MAN1A2: variants seen among roughly 807,000 people sequenced by gnomAD.
The protein encoded by MAN1A2 is mannosidase alpha class 1A member 2.
MAN1A2 carries 26 observed loss-of-function variants against 75.7 expected under a neutral mutation model. The ratio of observed to expected loss-of-function variants is 0.34; its 90% confidence interval spans 0.25 to 0.48. The LOEUF (loss-of-function observed/expected upper bound fraction) is 0.48, where lower values mean the gene tolerates loss of function less well. Ranked by LOEUF, MAN1A2 falls within the 20% of genes least tolerant of loss-of-function variation. The pLI, the probability that MAN1A2 is intolerant of heterozygous loss-of-function variation, is 0.99. For missense variants in MAN1A2, 562 were observed against 775.5 expected (o/e 0.72, Z 3.27); for synonymous variants, 247 against 264.6 (o/e 0.93, Z 0.65).
intron 12 of MAN1A2, chr1:117,515,580 A>T (rs1342232816): frequency 6.6e-6 from 1 of 152,096 alleles, no homozygotes; most frequent in Non-Finnish European, 1.5e-5. Context: ...AAATACCTTT[A>T]AAAAAACACT....
At chr1:117,416,275 T>A (rs1464971427) in intron 4 of MAN1A2, among the ~76,000 whole-genome samples, 1 of 152,164 alleles carries the variant, frequency 6.6e-6, no homozygotes, top group African/African-American at 2.4e-5. Flanking sequence ...ATGTCAATAC[T>A]AAACTATCTT....
intron 6 of MAN1A2, among the ~76,000 whole-genome samples, chr1:117,458,519 A>ATTTTTTTTTTTTTT (rs1649695560): frequency 2.1e-5 from 2 of 96,370 alleles, no homozygotes; most frequent in African/African-American, 8.7e-5. Context: ...ATAGATATAT[A>ATTTTTTTTTTTTTT]TATATTTTTT....
At chr1:117,460,036 C>T (rs1649765366) in intron 6 of MAN1A2, among the ~76,000 whole-genome samples, 1 of 146,394 alleles carries the variant, frequency 6.8e-6, no homozygotes, top group Non-Finnish European at 1.5e-5. Flanking sequence ...ACTTGAGAAT[C>T]ATTAATATTA....
intron 1 of MAN1A2, among the ~76,000 whole-genome samples, chr1:117,388,404 C>G (rs895680419): frequency 1.3e-5 from 2 of 152,062 alleles, no homozygotes; most frequent in Non-Finnish European, 2.9e-5. Flanking sequence ...ATACCCGAGA[C>G]TGGGTAATTT....
intron 1 of MAN1A2, among the ~76,000 whole-genome samples, chr1:117,372,956 G>A (rs1653015350): frequency 1.3e-5 from 2 of 152,218 alleles, no homozygotes; most frequent in Admixed American, 6.5e-5. Context: ...AAAGGCATTG[G>A]AGTTATAAAT....
chr1:117,498,422 C>T (rs748533470), intron 10 of MAN1A2, among the ~76,000 whole-genome samples: 4 of 151,756 alleles, frequency 2.6e-5, no homozygotes, highest in African/African-American at 7.2e-5. Flanking sequence ...AATATTTACT[C>T]CATGAAACAG....
intron 1 of MAN1A2, among the ~76,000 whole-genome samples, chr1:117,381,380 C>T (rs1484125294): frequency 1.3e-5 from 2 of 152,132 alleles, no homozygotes. Context: ...GTTCCCCTTC[C>T]TGTGTCCATG....
In MAN1A2 at chr1:117,493,263, G is replaced by A; in HGVS notation, c.1284+1G>A. The A allele has an allele frequency of 6.3e-7, 1 of 1,580,948 alleles. No individual in the cohort carries two copies. Reference sequence around the variant, plus strand: ...AAAGATGTATGATGATGCTATTGAGGTGATTATTTCCAGAACATTTTTCTA... The same window carrying A: ...AAAGATGTATGATGATGCTATTGAGATGATTATTTCCAGAACATTTTTCTA... On this transcript the variant is annotated splice_donor_variant, in intron 9 of 12. Coordinates refer to ENST00000356554, the MANE Select transcript of MAN1A2 (RefSeq NM_006699.5). LOFTEE classifies it high-confidence loss of function.
intron 1 of MAN1A2, among the ~76,000 whole-genome samples, chr1:117,371,671 C>T (rs532943882): frequency 6.6e-6 from 1 of 152,068 alleles, no homozygotes; most frequent in Non-Finnish European, 1.5e-5. Flanking sequence ...ATGGCTGTTG[C>T]AGAGGGTGTG....
intron 4 of MAN1A2, among the ~76,000 whole-genome samples, chr1:117,417,897 T>C (rs771729484): frequency 1.3e-5 from 2 of 151,660 alleles, no homozygotes; most frequent in Non-Finnish European, 2.9e-5. Flanking sequence ...TTGGGCAACA[T>C]AGTGAGACCT....
chr1:117,434,525 G>A (rs557077990), intron 5 of MAN1A2, among the ~76,000 whole-genome samples: 2 of 151,688 alleles, frequency 1.3e-5, no homozygotes, highest in Non-Finnish European at 2.9e-5. Context: ...GATACACAAG[G>A]GTATACTCAA....
At chr1:117,495,302 A>G (rs1270928467) in intron 9 of MAN1A2, among the ~76,000 whole-genome samples, 2 of 151,796 alleles carry the variant, frequency 1.3e-5, no homozygotes, top group African/African-American at 4.8e-5. Context: ...ATCAGCTTTC[A>G]CTTTGAGACA....
chr1:117,491,198 G>A (rs577603913), intron 8 of MAN1A2, among the ~76,000 whole-genome samples: 10 of 152,184 alleles, frequency 6.6e-5, no homozygotes, highest in South Asian at 2.1e-4. Flanking sequence ...GTTTCTACTG[G>A]AAGAAGATGC....
chr1:117,450,184 T>C (rs973870491), intron 6 of MAN1A2, among the ~76,000 whole-genome samples: 3 of 152,178 alleles, frequency 2.0e-5, no homozygotes, highest in African/African-American at 7.2e-5. Flanking sequence ...TGGTCTCAGA[T>C]GGAAACGAGG....
At chr1:117,409,231 G>A (rs1647725748) in intron 3 of MAN1A2, among the ~76,000 whole-genome samples, 1 of 151,982 alleles carries the variant, frequency 6.6e-6, no homozygotes. Context: ...ATTGACCAGA[G>A]ATCCTCTTTT....
chr1:117,488,491 C>T (rs774897692), intron 8 of MAN1A2, among the ~76,000 whole-genome samples: 10 of 151,842 alleles, frequency 6.6e-5, no homozygotes, highest in Admixed American at 3.3e-4. Context: ...CCACCATACC[C>T]GGCTGCAAAT....
chr1:117,436,655 C>T (rs543348757), intron 5 of MAN1A2, among the ~76,000 whole-genome samples: 1 of 152,280 alleles, frequency 6.6e-6, no homozygotes, highest in East Asian at 1.9e-4. Context: ...AACAGGCTTA[C>T]TTTCGCTTAC....
At chr1:117,466,609 A>G (rs1032792813) in intron 8 of MAN1A2, among the ~76,000 whole-genome samples, 182 bp downstream of exon 8, 8 of 152,154 alleles carry the variant, frequency 5.3e-5, no homozygotes, top group Non-Finnish European at 1.2e-4. Context: ...CCCACTTATA[A>G]AATGGAAATG....
At chr1:117,501,157 C>T (rs1651190092) in intron 11 of MAN1A2, among the ~76,000 whole-genome samples, 1 of 151,694 alleles carries the variant, frequency 6.6e-6, no homozygotes, top group Admixed American at 6.6e-5. Flanking sequence ...GTGACAGGGT[C>T]AAACTTTAGC....
Sources: gnomAD v4.1 joint callset for allele counts (sites outside exome capture counted in the v4.1 genomes callset) on GRCh38, gnomAD v4.1.1 for gene constraint, MANE v1.5 for transcripts, NCBI Gene and HGNC (gene_info 2026-07-23, HGNC 2026-07-21) for gene names.